Variants in FGF14 observed in about 807,000 individuals in gnomAD.
The protein encoded by FGF14 is fibroblast growth factor 14.
Under a neutral mutation model 25.5 loss-of-function variants are expected in FGF14, and 5 were observed. The ratio of observed to expected loss-of-function variants is 0.20; its 90% CI spans 0.10 to 0.41. The LOEUF is 0.41. Among genes scored for constraint, FGF14 ranks in the 10% least tolerant of loss-of-function variants. FGF14 has a pLI of 1.00. For synonymous variants in FGF14, 138 were observed against 118.3 expected (o/e 1.17, Z -1.08); for missense variants, 222 against 320.1 (o/e 0.69, Z 2.34).
At chr13:101,745,315 T>G (rs1041358317) in intron 3 of FGF14, among the ~76,000 whole-genome samples, 3 of 151,978 alleles carry the variant, frequency 2.0e-5, no homozygotes, top group East Asian at 1.9e-4. Flanking sequence ...TGCACTAGAG[T>G]GGTATACTTG....
chr13:102,271,882 G>A (rs989892866), intron 1 of FGF14, among the ~76,000 whole-genome samples: 1 of 152,022 alleles, frequency 6.6e-6, no homozygotes, highest in Non-Finnish European at 1.5e-5. Context: ...CATGGGCCAC[G>A]TTGGTAGCCT....
intron 1 of FGF14, among the ~76,000 whole-genome samples, chr13:102,311,859 G>A (rs1043063774): frequency 2.0e-5 from 3 of 152,122 alleles, no homozygotes; most frequent in Non-Finnish European, 2.9e-5. Flanking sequence ...ACAACTTACC[G>A]ATGTGCTAAA....
chr13:102,164,943 G>C (rs1393307735), intron 1 of FGF14, among the ~76,000 whole-genome samples: 1 of 152,162 alleles, frequency 6.6e-6, no homozygotes, highest in African/African-American at 2.4e-5. Flanking sequence ...GAAAAGATTA[G>C]TATTAGCAAG....
chr13:102,046,783 T>A (rs1295694256), intron 1 of FGF14, among the ~76,000 whole-genome samples: 5 of 152,334 alleles, frequency 3.3e-5, no homozygotes, highest in Admixed American at 3.3e-4. Flanking sequence ...CAAGGGATGA[T>A]TTTAAAAATG....
rs1419890792 is a variant in FGF14 at position 101,916,851 on chromosome 13, A to G, written c.-206T>C. Among the ~76,000 whole-genome samples the G allele has an allele frequency of 6.6e-6, 1 of 152,104 alleles. No individual in the cohort carries two copies. ...GCGGGGCGCGGGGCCAGGCGCGCAG[A>G]TGCGCCCAGGGCGCAGCCGGACGAT... On this transcript the variant is annotated 5_prime_UTR_variant, in exon 1 of 5. Transcript: ENST00000376143.
At chr13:102,160,260 G>A (rs989940421) in intron 1 of FGF14, among the ~76,000 whole-genome samples, 17 of 152,142 alleles carry the variant, frequency 1.1e-4, no homozygotes, top group African/African-American at 3.9e-4. Flanking sequence ...TCTGCCTCCT[G>A]TGGCCCATCC....
intron 1 of FGF14, among the ~76,000 whole-genome samples, chr13:102,183,966 C>G (rs1405744441): frequency 2.0e-5 from 3 of 152,158 alleles, no homozygotes; most frequent in Non-Finnish European, 4.4e-5. Context: ...GTGCTGGGTA[C>G]ATTTTAACCA....
At position 102,175,829 on chromosome 13, in the gene FGF14, C is replaced by T. The variant is rs541706830; in HGVS notation, c.208+225642G>A. Reference sequence around the variant, plus strand: ...AACATGAAAAAAATGTTTAATATCACTAATCATCAGAGAAATGCAAATTAA... The same window carrying T: ...AACATGAAAAAAATGTTTAATATCATTAATCATCAGAGAAATGCAAATTAA... On this transcript the variant is annotated intron_variant, in intron 1 of 4. Transcript: ENST00000376131. 5.3e-4 allele frequency among the ~76,000 whole-genome samples: 81 copies of T among 152,228 alleles called. No homozygotes were observed. The South Asian group carries it at 9.6e-3, about 18-fold the overall frequency.
chr13:102,036,280 G>C (rs992404195), intron 1 of FGF14, among the ~76,000 whole-genome samples: 3 of 152,020 alleles, frequency 2.0e-5, no homozygotes, highest in Non-Finnish European at 4.4e-5. Flanking sequence ...AGGTGTTCTT[G>C]GTAAAAGAGG....
intron 1 of FGF14, among the ~76,000 whole-genome samples, chr13:102,177,014 A>T (rs2048477588): frequency 6.6e-6 from 1 of 152,164 alleles, no homozygotes; most frequent in African/African-American, 2.4e-5. Context: ...TAAGTCCTTT[A>T]CTACTTCATA....
Position 101,715,151 on chromosome 13 carries a change from G to A in FGF14, c.*7680C>T, listed in dbSNP as rs1347663344. ...TGACTCTTTGTGTGTCATTAAGTTA[G>A]ACCTTTGCTTTCTGCCCATCCTTAC... On this transcript the variant is annotated 3_prime_UTR_variant, in exon 5 of 5. Coordinates refer to ENST00000376143, the MANE Select transcript of FGF14 (RefSeq NM_004115.4). 1 of 170,508 alleles carries A rather than the reference G, an allele frequency of 5.9e-6. No homozygotes were observed. Among genetic ancestry groups the A allele is most frequent in the African/African-American group, 2.4e-5 (1 of 41,826 alleles). The allele number at this position is 170,508 out of a possible 1,614,324, so 10.6% of individuals were successfully genotyped here.
intron 1 of FGF14, among the ~76,000 whole-genome samples, chr13:101,956,780 A>AAAG (rs1186116328): frequency 1.3e-5 from 2 of 151,406 alleles, no homozygotes; most frequent in Non-Finnish European, 2.9e-5. Flanking sequence ...AAAAAAAAAA[A>AAAG]AAAGAAAAAG....
At chr13:102,163,630 G>A (rs565384971) in intron 1 of FGF14, among the ~76,000 whole-genome samples, 2 of 152,224 alleles carry the variant, frequency 1.3e-5, no homozygotes, top group East Asian at 3.9e-4. Flanking sequence ...TGGTTATCAG[G>A]GACCAGTATT....
At chr13:102,338,960 A>G (rs1211101174) in intron 1 of FGF14, among the ~76,000 whole-genome samples, 1 of 151,354 alleles carries the variant, frequency 6.6e-6, no homozygotes, top group African/African-American at 2.4e-5. Context: ...GCAGTCAGCC[A>G]AATTGTGCTA....
At chr13:102,202,425 A>T (rs2049702921) in intron 1 of FGF14, among the ~76,000 whole-genome samples, 1 of 152,218 alleles carries the variant, frequency 6.6e-6, no homozygotes, top group African/African-American at 2.4e-5. Flanking sequence ...AAGCAAGTTT[A>T]TGATACTACA....
At chr13:102,245,555 T>G (rs1189439622) in intron 1 of FGF14, among the ~76,000 whole-genome samples, 1 of 151,936 alleles carries the variant, frequency 6.6e-6, no homozygotes, top group Non-Finnish European at 1.5e-5. Flanking sequence ...TAGAAAAAAA[T>G]TATCCATAAA....
At chr13:102,286,469 G>A (rs1258889210) in intron 1 of FGF14, among the ~76,000 whole-genome samples, 1 of 152,120 alleles carries the variant, frequency 6.6e-6, no homozygotes, top group Non-Finnish European at 1.5e-5. Flanking sequence ...CTCTGCATGA[G>A]TAACTAACCT....
chr13:102,197,215 A>AT (rs5806282), intron 1 of FGF14, among the ~76,000 whole-genome samples: 127,402 of 152,096 alleles, frequency 0.84, 53,940 homozygotes, highest in African/African-American at 0.95. Flanking sequence ...ACTTCTTCAC[A>AT]TTCTCCTTTT....
chr13:101,876,221 A>G (rs1055325975), intron 1 of FGF14, among the ~76,000 whole-genome samples: 2 of 152,230 alleles, frequency 1.3e-5, no homozygotes, highest in Admixed American at 6.5e-5. Flanking sequence ...CTTTGAAAAC[A>G]AATATTTGCA....
Sources: allele counts gnomAD v4.1 joint callset (sites outside exome capture counted in the v4.1 genomes callset), GRCh38; gene constraint gnomAD v4.1.1; transcripts MANE v1.5; gene names NCBI Gene and HGNC (gene_info 2026-07-23, HGNC 2026-07-21).